Variants in CNTNAP5 observed in about 807,000 individuals in gnomAD.
CNTNAP5 encodes contactin-associated protein-like 5.
Under a neutral mutation model 150.2 loss-of-function variants are expected in CNTNAP5, and 72 were observed. The ratio of observed to expected loss-of-function variants is 0.48; its 90% CI spans 0.40 to 0.58. The LOEUF is 0.58. Ranked by LOEUF, CNTNAP5 falls within the 20% of genes least tolerant of loss-of-function variation. The pLI is 0.00. For missense variants in CNTNAP5, 1,636 were observed against 1,626.2 expected, an observed-to-expected ratio of 1.01 and a Z score of -0.10; for synonymous variants, 672 against 619.8, an observed-to-expected ratio of 1.08 and a Z score of -1.25.
intron 19 of CNTNAP5, 67 bp from the exon 20 acceptor site, chr2:124,865,239 T>G (rs1235496804): frequency 7.8e-7 from 1 of 1,275,498 alleles, no homozygotes. Context: ...TAAAAGATAA[T>G]CTGATCATGT....
intron 22 of CNTNAP5, among the ~76,000 whole-genome samples, chr2:124,907,023 T>C (rs2104764387): frequency 6.6e-6 from 1 of 152,192 alleles, no homozygotes; most frequent in South Asian, 2.1e-4. Context: ...AATTAGGGTG[T>C]GTCATTGGAT....
intron 5 of CNTNAP5, among the ~76,000 whole-genome samples, chr2:124,444,629 A>C (rs982727418): frequency 6.6e-6 from 1 of 151,898 alleles, no homozygotes; most frequent in Non-Finnish European, 1.5e-5. Context: ...CAAGCAAAAA[A>C]ATACAGTAAT....
At chr2:124,705,095 T>C (rs1483856277) in intron 13 of CNTNAP5, among the ~76,000 whole-genome samples, 1 of 151,872 alleles carries the variant, frequency 6.6e-6, no homozygotes, top group Non-Finnish European at 1.5e-5. Flanking sequence ...ATATATATAG[T>C]TAAATGTATA....
intron 22 of CNTNAP5, among the ~76,000 whole-genome samples, chr2:124,910,841 A>G (rs1037708565): frequency 1.3e-5 from 2 of 152,008 alleles, no homozygotes; most frequent in Non-Finnish European, 2.9e-5. Flanking sequence ...ACATATAGGT[A>G]TTACTACTCT....
intron 13 of CNTNAP5, among the ~76,000 whole-genome samples, chr2:124,744,332 C>T (rs527856399): frequency 2.1e-4 from 32 of 152,244 alleles, no homozygotes; most frequent in Middle Eastern, 6.9e-3. Flanking sequence ...GACGGTGAGG[C>T]CTCTCCAGTC....
At chr2:124,645,699 G>A (rs574636214) in intron 12 of CNTNAP5, among the ~76,000 whole-genome samples, 2 of 152,278 alleles carry the variant, frequency 1.3e-5, no homozygotes, top group Admixed American at 6.5e-5. Context: ...CTGTGTATTA[G>A]GCCATTTTTG....
At chr2:124,648,179 C>T (rs367969260) in intron 13 of CNTNAP5, among the ~76,000 whole-genome samples, 297 of 152,240 alleles carry the variant, frequency 2.0e-3, no homozygotes, top group African/African-American at 6.7e-3. Context: ...GTTTTCTCCT[C>T]ATCATAAAGA....
At chr2:124,867,559 C>T (rs1233782068) in intron 20 of CNTNAP5, among the ~76,000 whole-genome samples, 1 of 152,132 alleles carries the variant, frequency 6.6e-6, no homozygotes, top group Non-Finnish European at 1.5e-5. Flanking sequence ...GTCTTTATTG[C>T]TTGCCCAATA....
chr2:124,117,875 G>A (rs549539967), intron 1 of CNTNAP5, among the ~76,000 whole-genome samples: 7 of 152,092 alleles, frequency 4.6e-5, no homozygotes, highest in African/African-American at 1.7e-4. Context: ...CTTGAGCCCA[G>A]GAGCTCAAGA....
At chr2:124,325,775 G>A (rs945482704) in intron 3 of CNTNAP5, among the ~76,000 whole-genome samples, 4 of 152,152 alleles carry the variant, frequency 2.6e-5, no homozygotes, top group African/African-American at 9.7e-5. Flanking sequence ...GCAAATGAGA[G>A]TGAGGATTGA....
intron 11 of CNTNAP5, among the ~76,000 whole-genome samples, chr2:124,588,841 C>T (rs992466847): frequency 6.6e-6 from 1 of 151,972 alleles, no homozygotes; most frequent in Admixed American, 6.6e-5. Context: ...TCTAGGCAGG[C>T]ACAGTGCTTT....
At chr2:124,231,771 C>A (rs907431982) in intron 2 of CNTNAP5, among the ~76,000 whole-genome samples, 1 of 152,142 alleles carries the variant, frequency 6.6e-6, no homozygotes, top group Non-Finnish European at 1.5e-5. Flanking sequence ...AGGACAGAAA[C>A]CTTCTGCTAT....
chr2:124,478,816 A>T (rs1041278250), intron 7 of CNTNAP5, among the ~76,000 whole-genome samples: 1 of 152,178 alleles, frequency 6.6e-6, no homozygotes, highest in African/African-American at 2.4e-5. Context: ...GATTCAAGGG[A>T]TCAACAAATC....
chr2:124,400,767 T>G (rs1384137470), intron 3 of CNTNAP5, among the ~76,000 whole-genome samples: 3 of 150,172 alleles, frequency 2.0e-5, no homozygotes, highest in Admixed American at 6.7e-5. Context: ...ATGTGCCATA[T>G]GTTGGAGCTG....
chr2:124,446,908 G>A lies in CNTNAP5; in HGVS notation c.889G>A (p.Glu297Lys), dbSNP rs760964233. Residue 297 changes from glutamate to lysine, a missense_variant, in exon 6 of 24, where the codon GAG becomes AAG. Transcript: ENST00000682447. ...KHTQHFRTKG[E>K]TDALDIDYEL... Reference sequence around the variant, plus strand: ...CACACAGCACTTCCGCACCAAGGGCGAGACGGATGCCTTAGACATTGACTA... The same window carrying A: ...CACACAGCACTTCCGCACCAAGGGCAAGACGGATGCCTTAGACATTGACTA... The A allele has an allele frequency of 6.2e-6, 10 of 1,613,730 alleles. No individual in the cohort carries two copies. In the East Asian group the frequency reaches 6.7e-5, roughly 11 times the overall value.
intron 19 of CNTNAP5, among the ~76,000 whole-genome samples, chr2:124,814,576 AT>A (rs200007837): frequency 2.1e-4 from 32 of 149,546 alleles, no homozygotes; most frequent in African/African-American, 5.4e-4. Context: ...AAAATAGGGC[AT>A]TTTTTTTTCA....
Position 124,312,142 on chromosome 2 carries a change from T to A in CNTNAP5, c.381+69749T>A, listed in dbSNP as rs556753970. On this transcript the variant is annotated intron_variant, in intron 3 of 23. Coordinates refer to ENST00000682447, the MANE Select transcript of CNTNAP5 (RefSeq NM_001367498.1). ...TGTGAGCCATAAAACCAGCATTTCA[T>A]ATGGGGGCTCCTTAGTGGAAGAACT... 3.3e-5 allele frequency among the ~76,000 whole-genome samples: 5 copies of A among 152,322 alleles called. No individual in the cohort carries two copies. The East Asian group carries it at 9.7e-4, about 29-fold the overall frequency.
At chr2:124,697,948 G>C (rs940983597) in intron 13 of CNTNAP5, among the ~76,000 whole-genome samples, 10 of 152,078 alleles carry the variant, frequency 6.6e-5, no homozygotes, top group African/African-American at 2.2e-4. Flanking sequence ...TGTGCACCAA[G>C]ACCCAGAGGG....
chr2:124,884,132 A>ATGTATATG (rs1678030684), intron 21 of CNTNAP5, among the ~76,000 whole-genome samples: 2 of 151,812 alleles, frequency 1.3e-5, no homozygotes. Context: ...GCATATTTCT[A>ATGTATATG]TGTATATGTG....
Sources: gnomAD v4.1 joint callset for allele counts (sites outside exome capture counted in the v4.1 genomes callset) on GRCh38, gnomAD v4.1.1 for gene constraint, MANE v1.5 for transcripts, NCBI Gene and HGNC (gene_info 2026-07-23, HGNC 2026-07-21) for gene names.